Variants in IQCM observed in about 807,000 individuals in gnomAD.
IQCM encodes the protein IQ motif containing M.
In IQCM, 45 loss-of-function variants were observed where a neutral mutation model predicts 57.6. That is an observed-to-expected ratio of 0.78 (90% confidence interval 0.62 to 1.00). The LOEUF (loss-of-function observed/expected upper bound fraction) is 1.00. IQCM is among the 50% of genes least tolerant of loss of function. IQCM has a pLI of 0.00. For synonymous variants in IQCM, 148 were observed against 158.9 expected (o/e 0.93, Z 0.51); for missense variants, 468 against 511.6 (o/e 0.91, Z 0.82).
intron 7 of IQCM, among the ~76,000 whole-genome samples, chr4:149,669,256 CTG>C (rs1332321090): frequency 6.6e-6 from 1 of 152,086 alleles, no homozygotes; most frequent in Non-Finnish European, 1.5e-5. Flanking sequence ...TTTTATGTGT[CTG>C]TTGGCTACAT....
At chr4:149,676,983 A>G (rs1761804844) in intron 7 of IQCM, among the ~76,000 whole-genome samples, 2 of 152,168 alleles carry the variant, frequency 1.3e-5, no homozygotes, top group African/African-American at 4.8e-5. Flanking sequence ...GGGGCCACAA[A>G]AAAGTGAAAA....
chr4:149,422,033 A>C (rs1306254510), intron 13 of IQCM, among the ~76,000 whole-genome samples: 1 of 151,954 alleles, frequency 6.6e-6, no homozygotes, highest in Non-Finnish European at 1.5e-5. Flanking sequence ...AATACAGAGG[A>C]CAACTATAAA....
chr4:149,376,893 T>G (rs546147397), intron 13 of IQCM, among the ~76,000 whole-genome samples: 4 of 152,258 alleles, frequency 2.6e-5, no homozygotes, highest in Non-Finnish European at 5.9e-5. Context: ...GCTTTCAGAT[T>G]GTATTTGCTT....
At chr4:149,761,992 T>A (rs1399580859) in intron 2 of IQCM, among the ~76,000 whole-genome samples, 1 of 151,874 alleles carries the variant, frequency 6.6e-6, no homozygotes, top group Non-Finnish European at 1.5e-5. Flanking sequence ...TTAATGTAGG[T>A]GTTACTGTAA....
chr4:149,802,764 A>G (rs1003831593), intron 2 of IQCM, among the ~76,000 whole-genome samples: 1 of 151,924 alleles, frequency 6.6e-6, no homozygotes, highest in Non-Finnish European at 1.5e-5. Flanking sequence ...TAGTAAAGAG[A>G]CTTTTAAAAA....
At chr4:149,448,659 G>T (rs940757843) in intron 12 of IQCM, among the ~76,000 whole-genome samples, 90 of 151,650 alleles carry the variant, frequency 5.9e-4, no homozygotes, top group African/African-American at 2.1e-3. Context: ...TATCACTACA[G>T]CATCTACAGA....
chr4:149,424,857 GATT>G (rs904927392), intron 13 of IQCM, among the ~76,000 whole-genome samples: 4 of 151,776 alleles, frequency 2.6e-5, no homozygotes. Flanking sequence ...ATTTTCTTAT[GATT>G]ATTATACACA....
rs1762241587 is a variant in IQCM at position 149,682,384 on chromosome 4, A to ATTTTGTT, written c.477-179_477-178insAACAAAA. Among the ~76,000 whole-genome samples, 4 of 151,214 alleles carry ATTTTGTT rather than the reference A, an allele frequency of 2.6e-5. No homozygotes were observed. In the South Asian group the frequency reaches 6.2e-4, roughly 23 times the overall value. ...AGAGTAAATATTATTAAACAAAGAC[A>ATTTTGTT]AAATACTACGAAATTTTGCTGGTTC... is the stretch of plus-strand genomic sequence containing the variant. On this transcript the variant is annotated intron_variant, in intron 6 of 13. Transcript: ENST00000636793.
At chr4:149,490,432 A>G (rs933475797) in intron 12 of IQCM, among the ~76,000 whole-genome samples, 151 of 152,094 alleles carry the variant, frequency 9.9e-4, no homozygotes, top group Admixed American at 9.8e-3. Flanking sequence ...CTCTAATTGC[A>G]TGAGTTTTCA....
At chr4:149,759,424 T>C (rs990021042) in intron 2 of IQCM, among the ~76,000 whole-genome samples, 3 of 152,148 alleles carry the variant, frequency 2.0e-5, no homozygotes, top group African/African-American at 7.2e-5. Flanking sequence ...TAATAATGTG[T>C]CAATATAGGG....
chr4:149,678,462 A>G (rs1485726904), intron 7 of IQCM, among the ~76,000 whole-genome samples: 2 of 151,834 alleles, frequency 1.3e-5, no homozygotes, highest in African/African-American at 4.8e-5. Context: ...AAACTGATAA[A>G]TTCTTTCCCA....
chr4:149,356,838 T>G (rs1183851978), intron 13 of IQCM, among the ~76,000 whole-genome samples: 2 of 152,234 alleles, frequency 1.3e-5, no homozygotes, highest in Non-Finnish European at 2.9e-5. Context: ...CCTTAAGCAG[T>G]ATGGCCATTT....
intron 2 of IQCM, among the ~76,000 whole-genome samples, chr4:149,753,336 G>T (rs1444820191): frequency 6.6e-6 from 1 of 151,870 alleles, no homozygotes; most frequent in East Asian, 1.9e-4. Flanking sequence ...CTCTAAAAAA[G>T]AATATAAAAA....
At chr4:149,468,365 G>A (rs1479204681) in intron 12 of IQCM, among the ~76,000 whole-genome samples, 1 of 152,200 alleles carries the variant, frequency 6.6e-6, no homozygotes, top group Non-Finnish European at 1.5e-5. Context: ...CACCCACGGA[G>A]CCTTGCTCAC....
At chr4:149,552,404 T>C (rs942234776) in intron 11 of IQCM, among the ~76,000 whole-genome samples, 1 of 152,158 alleles carries the variant, frequency 6.6e-6, no homozygotes, top group South Asian at 2.1e-4. Context: ...CTTACTTGTG[T>C]CATTTTTTTA....
intron 7 of IQCM, among the ~76,000 whole-genome samples, chr4:149,622,989 G>A (rs781645878): frequency 1.4e-4 from 21 of 152,108 alleles, no homozygotes; most frequent in Admixed American, 3.9e-4. Flanking sequence ...TGCGAATAAG[G>A]TAGCTATGTA....
chr4:149,462,228 G>A (rs1738377751), intron 12 of IQCM, among the ~76,000 whole-genome samples: 1 of 152,174 alleles, frequency 6.6e-6, no homozygotes, highest in South Asian at 2.1e-4. Context: ...TGACATCAAT[G>A]TAGCGGATAC....
At chr4:149,648,174 A>C (rs1316868915) in intron 7 of IQCM, among the ~76,000 whole-genome samples, 2 of 152,136 alleles carry the variant, frequency 1.3e-5, no homozygotes, top group African/African-American at 4.8e-5. Context: ...ATCTAATCTT[A>C]TCATTCCAAT....
At chr4:149,576,010 T>C (rs1018490666) in intron 9 of IQCM, among the ~76,000 whole-genome samples, 2 of 151,832 alleles carry the variant, frequency 1.3e-5, no homozygotes, top group Admixed American at 1.3e-4. Context: ...AATTATTTCT[T>C]TCCTTCTGGC....
Sources: allele counts gnomAD v4.1 joint callset (sites outside exome capture counted in the v4.1 genomes callset), GRCh38; gene constraint gnomAD v4.1.1; transcripts MANE v1.5; gene names NCBI Gene and HGNC (gene_info 2026-07-23, HGNC 2026-07-21).